The following CLYBL variants were observed in gnomAD, a reference collection of about 807,000 sequenced individuals.
The protein encoded by CLYBL is citramalyl-CoA lyase, mitochondrial.
In CLYBL, 31 loss-of-function variants were observed where a neutral mutation model predicts 38.9. That is an observed-to-expected ratio of 0.80 (90% CI 0.60 to 1.08). CLYBL has a LOEUF of 1.08. CLYBL is among the 50% of genes least tolerant of loss of function. The pLI is 0.00. For missense variants in CLYBL, 434 were observed against 411.6 expected (o/e 1.05, Z -0.47); for synonymous variants, 171 against 158.6 (o/e 1.08, Z -0.59).
chr13:99,782,125 G>A (rs1324904337), intron 2 of CLYBL, among the ~76,000 whole-genome samples: 3 of 152,018 alleles, frequency 2.0e-5, no homozygotes, highest in Non-Finnish European at 4.4e-5. Context: ...CCTGGGGTCA[G>A]TTTTCTTTCT....
intron 1 of CLYBL, among the ~76,000 whole-genome samples, chr13:99,626,906 A>T (rs947476586): frequency 6.6e-6 from 1 of 151,160 alleles, no homozygotes; most frequent in African/African-American, 2.4e-5. Flanking sequence ...ATATTTCGGG[A>T]CTAATAAACT....
downstream of CLYBL, among the ~76,000 whole-genome samples, chr13:99,901,089 G>A (rs1413558508): frequency 6.6e-6 from 1 of 152,176 alleles, no homozygotes; most frequent in South Asian, 2.1e-4. Context: ...AAGAAGGCCC[G>A]GGGCAGGCAT....
chr13:99,887,364 T>C (rs1869154178), intron 7 of CLYBL, among the ~76,000 whole-genome samples: 1 of 152,228 alleles, frequency 6.6e-6, no homozygotes, highest in South Asian at 2.1e-4. Context: ...TGTTCTATTA[T>C]ATCTTTACTA....
chr13:99,614,815 G>T (rs1429498937), intron 1 of CLYBL, among the ~76,000 whole-genome samples: 1 of 152,142 alleles, frequency 6.6e-6, no homozygotes. Context: ...TTACTGCAGA[G>T]ATCCCTCCCT....
intron 2 of CLYBL, among the ~76,000 whole-genome samples, chr13:99,807,835 A>G (rs1401049180): frequency 6.6e-6 from 1 of 152,212 alleles, no homozygotes; most frequent in Non-Finnish European, 1.5e-5. Context: ...TAAAAAGGAA[A>G]AAGAAAAATA....
intron 9 of CLYBL, among the ~76,000 whole-genome samples, chr13:99,907,305 T>C (rs995657949): frequency 2.6e-5 from 4 of 152,162 alleles, no homozygotes; most frequent in Admixed American, 6.5e-5. Context: ...ACTACCTACC[T>C]CCTAAGGTTT....
intron 1 of CLYBL, among the ~76,000 whole-genome samples, chr13:99,634,620 T>G (rs2046993740): frequency 6.6e-6 from 1 of 152,184 alleles, no homozygotes; most frequent in Admixed American, 6.5e-5. Context: ...ATTTTGTGCT[T>G]CTTTTGATCA....
At chr13:99,654,966 C>T (rs190906113) in intron 1 of CLYBL, among the ~76,000 whole-genome samples, 175 of 152,128 alleles carry the variant, frequency 1.2e-3, no homozygotes, top group African/African-American at 4.0e-3. Context: ...GATCGCGCTC[C>T]GAAGTCCATT....
chr13:99,607,593 T>C (rs2046548181), intron 1 of CLYBL, among the ~76,000 whole-genome samples: 1 of 152,176 alleles, frequency 6.6e-6, no homozygotes, highest in Non-Finnish European at 1.5e-5. Context: ...TTGGTTCCCT[T>C]GACCACCATG....
chr13:99,709,295 T>A (rs2048192096), intron 1 of CLYBL, among the ~76,000 whole-genome samples: 1 of 152,162 alleles, frequency 6.6e-6, no homozygotes, highest in Non-Finnish European at 1.5e-5. Context: ...CACCTCAGTT[T>A]CAGACTTCCA....
chr13:99,864,051 A>C (rs16957012), intron 4 of CLYBL, among the ~76,000 whole-genome samples: 1,575 of 152,272 alleles, frequency 0.01, 25 homozygotes, highest in African/African-American at 0.035. Context: ...GAATCCTGAG[A>C]ATATAATCAA....
intron 3 of CLYBL, among the ~76,000 whole-genome samples, chr13:99,860,717 T>C (rs931318703): frequency 5.9e-5 from 9 of 152,266 alleles, no homozygotes; most frequent in Non-Finnish European, 1.2e-4. Flanking sequence ...GAAATTTAAA[T>C]AGAACTTCTA....
intron 2 of CLYBL, among the ~76,000 whole-genome samples, chr13:99,801,105 A>G (rs1310612696): frequency 1.3e-5 from 2 of 152,120 alleles, no homozygotes. Flanking sequence ...CGCCCTTAGT[A>G]TAGGCCTTGA....
intron 1 of CLYBL, among the ~76,000 whole-genome samples, chr13:99,732,692 G>A (rs899022033): frequency 2.0e-5 from 3 of 152,088 alleles, no homozygotes; most frequent in African/African-American, 7.2e-5. Flanking sequence ...CTTAAAAATT[G>A]AGTTAAGATA....
chr13:99,640,483 A>C (rs1173017645), intron 1 of CLYBL, among the ~76,000 whole-genome samples: 1 of 152,224 alleles, frequency 6.6e-6, no homozygotes, highest in Non-Finnish European at 1.5e-5. Context: ...AAAATAGTTA[A>C]AGTGTGAGAA....
At chr13:99,709,544 G>A (rs937632270) in intron 1 of CLYBL, among the ~76,000 whole-genome samples, 4 of 152,194 alleles carry the variant, frequency 2.6e-5, no homozygotes, top group African/African-American at 9.7e-5. Flanking sequence ...ATACAAAAAA[G>A]TTCCTAGCAA....
At chr13:99,811,587 G>T (rs1038590923) in intron 2 of CLYBL, among the ~76,000 whole-genome samples, 1 of 152,186 alleles carries the variant, frequency 6.6e-6, no homozygotes, top group African/African-American at 2.4e-5. Context: ...TGGCAGGCGG[G>T]ATCAGTTGCC....
intron 1 of CLYBL, among the ~76,000 whole-genome samples, chr13:99,616,138 C>T (rs962153109): frequency 7.2e-6 from 1 of 139,512 alleles, no homozygotes; most frequent in Non-Finnish European, 1.5e-5. Flanking sequence ...AGCCACCACG[C>T]CTGGCTTTTT....
At chr13:99,836,774 T>A (rs1324207717) in intron 2 of CLYBL, among the ~76,000 whole-genome samples, 1 of 152,168 alleles carries the variant, frequency 6.6e-6, no homozygotes, top group Non-Finnish European at 1.5e-5. Flanking sequence ...TGGTCCTTGC[T>A]TAGCTGTAAA....
Sources: allele counts gnomAD v4.1 joint callset (sites outside exome capture counted in the v4.1 genomes callset), GRCh38; gene constraint gnomAD v4.1.1; transcripts MANE v1.5; gene names NCBI Gene and HGNC (gene_info 2026-07-23, HGNC 2026-07-21).